Variants in SH3RF3 observed in about 807,000 individuals in gnomAD.
SH3RF3 encodes the protein SH3 domain containing ring finger 3, also known as E3 ubiquitin-protein ligase SH3RF3.
In SH3RF3, 29 loss-of-function variants were observed where a neutral mutation model predicts 66.3. The ratio of observed to expected loss-of-function variants is 0.44; its 90% CI spans 0.33 to 0.60. SH3RF3 has a LOEUF of 0.60. Among genes scored for constraint, SH3RF3 ranks in the 20% least tolerant of loss-of-function variants. SH3RF3 has a pLI of 0.04. For missense variants in SH3RF3, 1,194 were observed against 1,190.9 expected, an observed-to-expected ratio of 1.00 and a Z score of -0.04; for synonymous variants, 583 against 532.0, an observed-to-expected ratio of 1.10 and a Z score of -1.32.
At chr2:109,266,808 G>T (rs1001975782) in intron 1 of SH3RF3, among the ~76,000 whole-genome samples, 5 of 152,176 alleles carry the variant, frequency 3.3e-5, no homozygotes, top group African/African-American at 1.2e-4. Context: ...GAGAGAGCCA[G>T]GGAGGGAGTC....
rs980941310 is a variant in SH3RF3 at position 109,357,296 on chromosome 2, C to G, written c.849+9347C>G. ...TCCCAGGCTCATGCCATTCTCCTGCCTCAGCCTCCCGAGTAGCTGGGACTA... is the reference window on the plus strand; with the variant it reads ...TCCCAGGCTCATGCCATTCTCCTGCGTCAGCCTCCCGAGTAGCTGGGACTA... On this transcript the variant is annotated intron_variant, in intron 2 of 9. Transcript: ENST00000309415. 2.6e-5 allele frequency among the ~76,000 whole-genome samples: 4 copies of G among 152,256 alleles called. No homozygotes were observed. The East Asian group carries it at 7.7e-4, about 29-fold the overall frequency.
At chr2:109,151,824 T>C (rs1206037584) in intron 1 of SH3RF3, among the ~76,000 whole-genome samples, 1 of 152,268 alleles carries the variant, frequency 6.6e-6, no homozygotes, top group Non-Finnish European at 1.5e-5. Flanking sequence ...CTGCAAATTG[T>C]GGTTTATAGG....
intron 1 of SH3RF3, among the ~76,000 whole-genome samples, chr2:109,227,735 A>AG (rs957202051): frequency 8.5e-5 from 13 of 152,342 alleles, no homozygotes; most frequent in African/African-American, 3.1e-4. Flanking sequence ...AATCTTGTGC[A>AG]GTCCTTTCGG....
intron 1 of SH3RF3, among the ~76,000 whole-genome samples, chr2:109,256,525 T>G (rs62151313): frequency 1.2e-3 from 181 of 152,228 alleles, no homozygotes; most frequent in South Asian, 2.1e-3. Context: ...CCAGGTTCAG[T>G]CCACTCCTGG....
chr2:109,270,570 C>T (rs1238090594), intron 1 of SH3RF3, among the ~76,000 whole-genome samples: 4 of 152,230 alleles, frequency 2.6e-5, no homozygotes, highest in South Asian at 4.2e-4. Context: ...GCAGTGTGGC[C>T]GTTTCAGGTC....
At chr2:109,303,868 C>T (rs1413049961) in intron 1 of SH3RF3, among the ~76,000 whole-genome samples, 3 of 152,104 alleles carry the variant, frequency 2.0e-5, no homozygotes, top group Non-Finnish European at 4.4e-5. Flanking sequence ...TCGCCTCCTG[C>T]CTCCTTTGTT....
chr2:109,336,580 C>T (rs1408298536), intron 1 of SH3RF3, among the ~76,000 whole-genome samples: 3 of 152,222 alleles, frequency 2.0e-5, no homozygotes, highest in Non-Finnish European at 4.4e-5. Context: ...GATGCCAGCC[C>T]TGGGCAGTGT....
At chr2:109,436,490 G>A (rs910663366) in intron 6 of SH3RF3, among the ~76,000 whole-genome samples, 1 of 152,190 alleles carries the variant, frequency 6.6e-6, no homozygotes, top group Non-Finnish European at 1.5e-5. Flanking sequence ...GGGGGCCCGC[G>A]TCCTTGCCAT....
chr2:109,462,197 T>G (rs1678224123), intron 8 of SH3RF3, among the ~76,000 whole-genome samples: 1 of 149,774 alleles, frequency 6.7e-6, no homozygotes, highest in South Asian at 2.2e-4. Context: ...TATGACATCT[T>G]GAGGAAGGCA....
chr2:109,193,044 T>C (rs1678406686), intron 1 of SH3RF3, among the ~76,000 whole-genome samples: 1 of 152,244 alleles, frequency 6.6e-6, no homozygotes, highest in Non-Finnish European at 1.5e-5. Flanking sequence ...CAGATGTCAA[T>C]GTGCCAAGAA....
At chr2:109,396,292 T>C (rs1262035580) in intron 3 of SH3RF3, among the ~76,000 whole-genome samples, 4 of 152,212 alleles carry the variant, frequency 2.6e-5, no homozygotes, top group African/African-American at 9.6e-5. Context: ...GCAAAACAGC[T>C]GAGCCTGGTT....
intron 1 of SH3RF3, among the ~76,000 whole-genome samples, chr2:109,198,084 G>A (rs758380039): frequency 6.6e-6 from 1 of 152,124 alleles, no homozygotes; most frequent in Non-Finnish European, 1.5e-5. Flanking sequence ...GGGGGTGCTC[G>A]GGAGTGTGGA....
At position 109,449,271 on chromosome 2, in the gene SH3RF3, C is replaced by A; in HGVS notation, c.1930C>A (p.Pro644Thr). 1 of 1,611,680 alleles carries A rather than the reference C, an allele frequency of 6.2e-7. No homozygotes were observed. Among genetic ancestry groups the A allele is most frequent in the Non-Finnish European group, 8.5e-7 (1 of 1,178,914 alleles). Residue 644 changes from proline (P) to threonine (T), a missense_variant, in exon 8 of 10, where the codon CCC becomes ACC. Pro to Thr is a conservative substitution (Grantham distance 38, BLOSUM62 -1). Coordinates refer to ENST00000309415, the MANE Select transcript of SH3RF3 (RefSeq NM_001099289.3). The part of the protein sequence containing the change: ...PSRLPATSLR[P>T]HSVVSPQHSH... ...CCGCCTGCCTGCCACCAGCCTCAGGCCCCACTCGGTGGTGTCCCCGCAGCA... is the reference window on the plus strand; with the variant it reads ...CCGCCTGCCTGCCACCAGCCTCAGGACCCACTCGGTGGTGTCCCCGCAGCA...
intron 1 of SH3RF3, among the ~76,000 whole-genome samples, chr2:109,263,915 G>T (rs1292632768): frequency 6.6e-6 from 1 of 152,242 alleles, no homozygotes; most frequent in Non-Finnish European, 1.5e-5. Context: ...CTTGCAGTGA[G>T]CCAAGATCGT....
At chr2:109,446,771 CTT>C (rs35545612) in intron 7 of SH3RF3, among the ~76,000 whole-genome samples, 71,037 of 151,716 alleles carry the variant, frequency 0.47, 18,145 homozygotes, top group Non-Finnish European at 0.55. Flanking sequence ...CACTCCCTCT[CTT>C]CTTTGGTGCC....
chr2:109,153,695 A>G (rs1677272567), intron 1 of SH3RF3, among the ~76,000 whole-genome samples: 1 of 152,202 alleles, frequency 6.6e-6, no homozygotes, highest in Non-Finnish European at 1.5e-5. Flanking sequence ...ATCTTGATCT[A>G]GTCTCCAGGG....
At chr2:109,161,392 G>A (rs1046322846) in intron 1 of SH3RF3, among the ~76,000 whole-genome samples, 1 of 152,078 alleles carries the variant, frequency 6.6e-6, no homozygotes, top group East Asian at 1.9e-4. Context: ...GCAGCCTCCT[G>A]AGCCTTCGTT....
intron 1 of SH3RF3, among the ~76,000 whole-genome samples, chr2:109,309,819 A>T (rs1186084253): frequency 8.7e-6 from 1 of 114,846 alleles, no homozygotes. Flanking sequence ...CACCCAATAC[A>T]GGAGCACCCA....
At chr2:109,307,198 A>G (rs1681616591) in intron 1 of SH3RF3, among the ~76,000 whole-genome samples, 1 of 152,224 alleles carries the variant, frequency 6.6e-6, no homozygotes, top group Non-Finnish European at 1.5e-5. Flanking sequence ...TGGGAGGTGC[A>G]CATTTGAAAA....
Sources: gnomAD v4.1 joint callset for allele counts (sites outside exome capture counted in the v4.1 genomes callset) on GRCh38, gnomAD v4.1.1 for gene constraint, MANE v1.5 for transcripts, NCBI Gene and HGNC (gene_info 2026-07-23, HGNC 2026-07-21) for gene names.